IAH1: variants seen among roughly 807,000 people sequenced by gnomAD.
The protein encoded by IAH1 is isoamyl acetate-hydrolyzing esterase 1 homolog.
In IAH1, 24 loss-of-function variants were observed where a neutral mutation model predicts 26.7. That is an observed-to-expected ratio of 0.90 (90% CI 0.65 to 1.26). The LOEUF (loss-of-function observed/expected upper bound fraction) is 1.26. IAH1 is among the 50% of genes most tolerant of loss of function. IAH1 has a pLI of 0.00. For synonymous variants in IAH1, 140 were observed against 118.5 expected, an observed-to-expected ratio of 1.18 and a Z score of -1.18; for missense variants, 300 against 299.9, an observed-to-expected ratio of 1.00 and a Z score of 0.00.
intron 3 of IAH1, 148 bp downstream of exon 3, chr2:9,478,518 C>CTT: frequency 1.4e-6 from 1 of 707,270 alleles, no homozygotes. Context: ...GTATTCCTGG[C>CTT]TTTAACACTG....
At chr2:9,479,126 G>A (rs185389871) in intron 3 of IAH1, among the ~76,000 whole-genome samples, 4 of 152,280 alleles carry the variant, frequency 2.6e-5, no homozygotes, top group East Asian at 1.9e-4. Flanking sequence ...GAAAGATTAC[G>A]TAGATGACAG....
At chr2:9,505,900 T>C in the IAH1 span, among the ~76,000 whole-genome samples, 1 of 152,200 alleles carries the variant, frequency 6.6e-6, no homozygotes, top group Non-Finnish European at 1.5e-5. Context: ...ATAGGCATAA[T>C]AGTACATTTT....
chr2:9,484,842 C>A, intron 5 of IAH1: 1 of 301,154 alleles, frequency 3.3e-6, no homozygotes, highest in Non-Finnish European at 6.1e-6. Context: ...TTCTTTCATA[C>A]AGAGAATGGC....
the IAH1 span, among the ~76,000 whole-genome samples, chr2:9,509,647 TAAATG>T: frequency 6.6e-6 from 1 of 152,146 alleles, no homozygotes. Context: ...TGACAACTTG[TAAATG>T]AAATGACAAA....
downstream of IAH1, chr2:9,490,372 G>A (rs371018540): frequency 9.4e-5 from 152 of 1,614,066 alleles, no homozygotes; most frequent in Middle Eastern, 3.3e-4. Flanking sequence ...CCTGGATGGT[G>A]TCCATTCTCT....
the IAH1 span, among the ~76,000 whole-genome samples, chr2:9,504,539 G>C: frequency 3.9e-5 from 6 of 152,190 alleles, no homozygotes; most frequent in South Asian, 1.2e-3. Context: ...GGCCAAGGTG[G>C]ATGGATCACA....
At chr2:9,510,053 C>A in the IAH1 span, 1 of 1,614,148 alleles carries the variant, frequency 6.2e-7, no homozygotes, top group Non-Finnish European at 8.5e-7. Flanking sequence ...TCATTCGGGG[C>A]ACATTCTGCT....
chr2:9,505,912 T>C, the IAH1 span, among the ~76,000 whole-genome samples: 1 of 152,194 alleles, frequency 6.6e-6, no homozygotes, highest in Non-Finnish European at 1.5e-5. Context: ...GTACATTTTA[T>C]ATAAATTAAA....
intron 5 of IAH1, chr2:9,485,346 T>C (rs1172577570): frequency 1.3e-5 from 2 of 152,260 alleles, no homozygotes; most frequent in Non-Finnish European, 2.9e-5. Flanking sequence ...TCCATCTGTT[T>C]TGGTGTCTCA....
intron 1 of IAH1, chr2:9,475,252 C>A: frequency 8.1e-7 from 1 of 1,230,982 alleles, no homozygotes; most frequent in Non-Finnish European, 1.1e-6. Context: ...AAATTCCATT[C>A]CTGTGTGTGT....
downstream of IAH1, among the ~76,000 whole-genome samples, chr2:9,497,775 C>T (rs1476587471): frequency 6.6e-6 from 1 of 152,134 alleles, no homozygotes; most frequent in Admixed American, 6.6e-5. Context: ...TAAGTTTTGT[C>T]TCAAAGGTTT....
the IAH1 span, chr2:9,510,229 CA>C: frequency 8.4e-7 from 1 of 1,193,416 alleles, no homozygotes; most frequent in Non-Finnish European, 1.2e-6. Flanking sequence ...GCCTTATAAT[CA>C]GATCAACAAG....
In IAH1 at chr2:9,484,570, C is replaced by T; in HGVS notation, c.564+20C>T. 6.6e-7 allele frequency: 1 copy of T among 1,511,294 alleles called. No individual in the cohort carries two copies. Among genetic ancestry groups the T allele is most frequent in the Non-Finnish European group, 9.2e-7 (1 of 1,088,696 alleles). The allele number at this position is 1,511,294 out of a possible 1,614,324, so 93.6% of individuals were successfully genotyped here. ...AGCCAGGTACGGTGGCTTGCTCGGT[C>T]CTCTCGGGGTAAATAGGATCACACA... On this transcript the variant is annotated intron_variant, in intron 5 of 5. Coordinates refer to ENST00000497473, the MANE Select transcript of IAH1 (RefSeq NM_001039613.3).
chr2:9,493,029 C>A, downstream of IAH1: 1 of 1,495,840 alleles, frequency 6.7e-7, no homozygotes, highest in South Asian at 1.2e-5. Flanking sequence ...CCAAGTACTT[C>A]ACAAATCTAA....
the IAH1 span, chr2:9,502,208 A>G: frequency 6.2e-7 from 1 of 1,614,166 alleles, no homozygotes; most frequent in Non-Finnish European, 8.5e-7. Context: ...AGTAGCATTA[A>G]TCGCCTCCTG....
chr2:9,509,390 T>C, the IAH1 span, among the ~76,000 whole-genome samples: 8 of 152,224 alleles, frequency 5.3e-5, no homozygotes, highest in Non-Finnish European at 5.9e-5. Flanking sequence ...ACAAATCAAC[T>C]AGTATTCTCT....
intron 5 of IAH1, 115 bp downstream of exon 5, chr2:9,484,665 T>A (rs17524376): frequency 0.44 from 300,497 of 678,750 alleles, 72,378 homozygotes; most frequent in Middle Eastern, 0.59. Flanking sequence ...AGTCATCCCT[T>A]TAGCCAATGA....
Position 9,478,360 on chromosome 2 carries a change from T to C in IAH1, c.273T>C (p.Ser91=). 6.2e-7 allele frequency: 1 copy of C among 1,602,004 alleles called. No homozygotes were observed. The highest frequency in any genetic ancestry group is 8.5e-7 in the Non-Finnish European group (1 of 1,174,224). ...AVTIFFGAND[S]ALKDENPKQH... is the part of the protein sequence containing the mutation. ...CAATTTTCTTTGGGGCCAATGACAG[T>C]GCACTAAAAGGTAAAAGCATTTTTG... The change falls in exon 3 of 6, where the codon AGT becomes AGC. Residue 91 remains serine (S), a synonymous_variant. Transcript: ENST00000497473.
downstream of IAH1, chr2:9,490,483 C>A (rs1016756984): frequency 6.2e-7 from 1 of 1,613,786 alleles, no homozygotes; most frequent in African/African-American, 1.3e-5. Flanking sequence ...TAATGCGAAC[C>A]GATGCAGAAT....
Sources: gnomAD v4.1 joint callset for allele counts (sites outside exome capture counted in the v4.1 genomes callset) on GRCh38, gnomAD v4.1.1 for gene constraint, MANE v1.5 for transcripts, NCBI Gene and HGNC (gene_info 2026-07-23, HGNC 2026-07-21) for gene names.